BTBD9: variants seen among roughly 807,000 people sequenced by gnomAD.
BTBD9 encodes BTB/POZ domain-containing protein 9.
In BTBD9, 49 loss-of-function variants were observed where a neutral mutation model predicts 64.3. That is an observed-to-expected ratio of 0.76 (90% CI 0.61 to 0.97). The LOEUF (loss-of-function observed/expected upper bound fraction) is 0.97, where lower values mean the gene tolerates loss of function less well. BTBD9 is among the 50% of genes least tolerant of loss of function. The pLI, the probability that BTBD9 is intolerant of heterozygous loss-of-function variation, is 0.00. For missense variants in BTBD9, 598 were observed against 762.1 expected, an observed-to-expected ratio of 0.78 and a Z score of 2.53; for synonymous variants, 260 against 274.7, an observed-to-expected ratio of 0.95 and a Z score of 0.53.
At chr6:38,222,323 C>T (rs528653013) in intron 9 of BTBD9, among the ~76,000 whole-genome samples, 20 of 121,162 alleles carry the variant, frequency 1.7e-4, no homozygotes, top group South Asian at 3.0e-4. Context: ...TGCAGTGGTG[C>T]GATCTCGGCT....
chr6:38,597,962 T>C lies in BTBD9; in HGVS notation c.133A>G (p.Lys45Glu), dbSNP rs372729615. 1.9e-6 allele frequency: 3 copies of C among 1,613,938 alleles called. No homozygotes were observed. Among genetic ancestry groups the C allele is most frequent in the Non-Finnish European group, 2.5e-6 (3 of 1,179,916 alleles). The stretch of plus-strand genomic sequence containing the variant: ...ATTACCCTGTGGGCAGGAAAACGTT[T>C]CTTTTCCACCACGAATGTGACGTCG... ...YGDVTFVVEKKRFPAHRVILA... is the reference protein window; with the variant it reads ...YGDVTFVVEKERFPAHRVILA... Residue 45 changes from lysine to glutamate, a missense_variant, in exon 2 of 11, where the codon AAA becomes GAA. Lys to Glu is a moderately conservative substitution (Grantham distance 56, BLOSUM62 1). Transcript: ENST00000481247.
chr6:38,453,438 T>A (rs548872586), intron 6 of BTBD9, among the ~76,000 whole-genome samples: 1 of 152,320 alleles, frequency 6.6e-6, no homozygotes, highest in Non-Finnish European at 1.5e-5. Flanking sequence ...CAGCAGCTTG[T>A]TACATATTTT....
intron 1 of BTBD9, among the ~76,000 whole-genome samples, chr6:38,599,085 A>G (rs1319870218): frequency 1.3e-5 from 2 of 152,158 alleles, no homozygotes; most frequent in African/African-American, 4.8e-5. Flanking sequence ...TCTGATGATC[A>G]GGCTGCCAAT....
At position 38,171,031 on chromosome 6, in the gene BTBD9, T is replaced by G. The variant is rs747989079; in HGVS notation, c.*3954A>C. On this transcript the variant is annotated 3_prime_UTR_variant, in exon 11 of 11. Transcript: ENST00000481247. ...TTTCCTCTTTGACACCTTTCTTCCCTGTCCAAAGGGAGGTTCTTAATTGAA... is the reference window on the plus strand; with the variant it reads ...TTTCCTCTTTGACACCTTTCTTCCCGGTCCAAAGGGAGGTTCTTAATTGAA... The G allele has an allele frequency of 2.0e-5, 3 of 152,254 alleles. No homozygotes were observed. The highest frequency in any genetic ancestry group is 4.4e-5 in the Non-Finnish European group (3 of 68,040). The allele number at this position is 152,254 out of a possible 1,614,324, so 9.4% of individuals were successfully genotyped here.
intron 6 of BTBD9, among the ~76,000 whole-genome samples, chr6:38,496,645 C>T (rs1290529162): frequency 8.8e-5 from 13 of 147,604 alleles, no homozygotes; most frequent in Non-Finnish European, 1.2e-4. Flanking sequence ...CAGAGCAAGA[C>T]CCTGTCTCTT....
intron 6 of BTBD9, among the ~76,000 whole-genome samples, chr6:38,503,210 C>T (rs933617010): frequency 6.6e-6 from 1 of 152,118 alleles, no homozygotes; most frequent in Non-Finnish European, 1.5e-5. Flanking sequence ...CCTACCCAAT[C>T]CCCCATCGCC....
At chr6:38,344,644 A>G (rs1764213555) in intron 7 of BTBD9, among the ~76,000 whole-genome samples, 1 of 152,176 alleles carries the variant, frequency 6.6e-6, no homozygotes, top group Non-Finnish European at 1.5e-5. Context: ...TCAATATCAT[A>G]CAGACTTCTC....
intron 7 of BTBD9, among the ~76,000 whole-genome samples, chr6:38,316,117 T>C (rs890332114): frequency 2.6e-5 from 4 of 152,232 alleles, no homozygotes; most frequent in Non-Finnish European, 4.4e-5. Context: ...CTGATAAAAG[T>C]ATAGCTACTC....
intron 9 of BTBD9, among the ~76,000 whole-genome samples, chr6:38,198,167 G>A (rs1762329183): frequency 6.6e-6 from 1 of 152,264 alleles, no homozygotes; most frequent in Non-Finnish European, 1.5e-5. Context: ...GAAAGAGACA[G>A]AGGAGGAGAA....
At chr6:38,504,863 T>C (rs1411830322) in intron 6 of BTBD9, among the ~76,000 whole-genome samples, 1 of 152,212 alleles carries the variant, frequency 6.6e-6, no homozygotes, top group Non-Finnish European at 1.5e-5. Flanking sequence ...AAAGAATGAA[T>C]TAGGTCGATT....
chr6:38,285,471 A>C (rs576752127), intron 8 of BTBD9, among the ~76,000 whole-genome samples: 115 of 151,210 alleles, frequency 7.6e-4, no homozygotes, highest in Non-Finnish European at 1.2e-3. Flanking sequence ...ATTCCATTTT[A>C]GGCATCTTGG....
intron 6 of BTBD9, among the ~76,000 whole-genome samples, chr6:38,359,167 T>C (rs912171867): frequency 1.3e-5 from 2 of 152,238 alleles, no homozygotes; most frequent in Non-Finnish European, 2.9e-5. Context: ...GTTTTAGCAC[T>C]AAACATCTCC....
chr6:38,586,958 G>A (rs1477233463), intron 4 of BTBD9, among the ~76,000 whole-genome samples: 2 of 151,988 alleles, frequency 1.3e-5, no homozygotes, highest in South Asian at 4.2e-4. Flanking sequence ...AGCTCCTCGG[G>A]AGGCTGGGGC....
intron 6 of BTBD9, among the ~76,000 whole-genome samples, chr6:38,521,173 C>T (rs1773259046): frequency 6.6e-6 from 1 of 151,846 alleles, no homozygotes; most frequent in East Asian, 1.9e-4. Context: ...CACACCACCT[C>T]AGTTCAAATC....
At chr6:38,247,830 G>C (rs745633164) in intron 9 of BTBD9, among the ~76,000 whole-genome samples, 2 of 152,076 alleles carry the variant, frequency 1.3e-5, no homozygotes, top group Non-Finnish European at 2.9e-5. Flanking sequence ...TAATTTTGTT[G>C]ATTTACTGCT....
intron 8 of BTBD9, among the ~76,000 whole-genome samples, chr6:38,266,606 GA>G (rs1471344319): frequency 0.014 from 33 of 2,410 alleles, no homozygotes; most frequent in Non-Finnish European, 0.025. Flanking sequence ...GGAAAGAAAG[GA>G]AAGAAAGAAA....
At chr6:38,572,829 A>G (rs920284278) in intron 6 of BTBD9, among the ~76,000 whole-genome samples, 13 of 151,610 alleles carry the variant, frequency 8.6e-5, no homozygotes, top group African/African-American at 3.1e-4. Flanking sequence ...ATACTTTAAT[A>G]TTAGAGTGAG....
intron 7 of BTBD9, among the ~76,000 whole-genome samples, chr6:38,333,107 C>T (rs1763744528): frequency 6.6e-6 from 1 of 152,178 alleles, no homozygotes; most frequent in Admixed American, 6.5e-5. Flanking sequence ...AAGGCAAAGG[C>T]ATTCCAAGAA....
intron 1 of BTBD9, among the ~76,000 whole-genome samples, chr6:38,602,471 T>C (rs1205429596): frequency 6.6e-6 from 1 of 151,924 alleles, no homozygotes; most frequent in African/African-American, 2.4e-5. Flanking sequence ...TACAAAACAA[T>C]AGTATAGTGA....
Sources: gnomAD v4.1 joint callset for allele counts (sites outside exome capture counted in the v4.1 genomes callset) on GRCh38, gnomAD v4.1.1 for gene constraint, MANE v1.5 for transcripts, NCBI Gene and HGNC (gene_info 2026-07-23, HGNC 2026-07-21) for gene names.